Variants in NALCN observed in about 807,000 individuals in gnomAD.
NALCN encodes the protein sodium leak channel, non-selective.
A neutral mutation model predicts 225.3 loss-of-function variants in NALCN; 111 were observed. That is an observed-to-expected ratio of 0.49 (90% CI 0.42 to 0.58). NALCN has a LOEUF of 0.58. Among genes scored for constraint, NALCN ranks in the 20% least tolerant of loss-of-function variants. NALCN has a pLI of 0.00. For synonymous variants in NALCN, 764 were observed against 769.0 expected, an observed-to-expected ratio of 0.99 and a Z score of 0.11; for missense variants, 1,378 against 2,202.4, an observed-to-expected ratio of 0.63 and a Z score of 7.49.
intron 34 of NALCN, among the ~76,000 whole-genome samples, chr13:101,078,133 G>C (rs956139683): frequency 2.0e-5 from 3 of 149,784 alleles, no homozygotes; most frequent in Non-Finnish European, 4.5e-5. Flanking sequence ...GAAACAACTG[G>C]ATGTCCAGGC....
At position 101,111,223 on chromosome 13, in the gene NALCN, A is replaced by G. The variant is rs2035417501; in HGVS notation, c.2196T>C (p.Ala732=). ...CGCTCAGCATGCGCTGTCGGGTGCA[A>G]GCTCTAGGAAAAAAAAAGGAGCCCA... ...KETAVTKILR[A]CTRQRMLSGS... is the part of the protein sequence containing the mutation. Residue 732 remains alanine (A), a synonymous_variant, in exon 19 of 44, where the codon GCT becomes GCC. Transcript: ENST00000251127. 1 of 1,583,944 alleles carries G rather than the reference A, an allele frequency of 6.3e-7. No individual in the cohort carries two copies. The highest frequency in any genetic ancestry group is 8.6e-7 in the Non-Finnish European group (1 of 1,160,054).
At chr13:101,250,737 A>C (rs1323115844) in intron 11 of NALCN, among the ~76,000 whole-genome samples, 1 of 151,984 alleles carries the variant, frequency 6.6e-6, no homozygotes. Flanking sequence ...TACAGTGTTA[A>C]AATTAATAAC....
At chr13:101,134,756 T>A (rs2036688088) in intron 17 of NALCN, among the ~76,000 whole-genome samples, 1 of 152,192 alleles carries the variant, frequency 6.6e-6, no homozygotes, top group Non-Finnish European at 1.5e-5. Flanking sequence ...TTTCGGCCAC[T>A]AACACAGTAG....
chr13:101,320,602 C>T (rs2044711290), intron 7 of NALCN, among the ~76,000 whole-genome samples: 1 of 151,980 alleles, frequency 6.6e-6, no homozygotes, highest in South Asian at 2.1e-4. Context: ...ATTTTTATAT[C>T]CCATTAGACA....
intron 11 of NALCN, among the ~76,000 whole-genome samples, chr13:101,239,894 G>C (rs2390576): frequency 6.6e-6 from 1 of 151,790 alleles, no homozygotes; most frequent in Non-Finnish European, 1.5e-5. Flanking sequence ...ATCCATGCCA[G>C]TATCAGTGTA....
chr13:101,163,791 G>A (rs893933814), intron 15 of NALCN, among the ~76,000 whole-genome samples: 5 of 152,124 alleles, frequency 3.3e-5, no homozygotes, highest in Non-Finnish European at 1.5e-5. Context: ...AAAAAACTGG[G>A]TGGCTGAAAA....
intron 3 of NALCN, among the ~76,000 whole-genome samples, chr13:101,379,947 A>G (rs1295867687): frequency 6.8e-6 from 1 of 146,686 alleles, no homozygotes; most frequent in African/African-American, 2.5e-5. Flanking sequence ...AGAGACTTAC[A>G]GTTCTGCATA....
chr13:101,113,139 T>C (rs1325215293), intron 18 of NALCN, among the ~76,000 whole-genome samples: 2 of 152,180 alleles, frequency 1.3e-5, no homozygotes, highest in African/African-American at 4.8e-5. Context: ...GAAGCAACTT[T>C]TCTACAGATA....
rs764610371 is a variant in NALCN, at chr13:101,111,145, A to C, written c.2274T>G (p.His758Gln). ...TTTACCTGCGCTCTTGGCGGATATG[A>C]TGCTGCACGCTGAGGATTGACCTCT... ...AKERSILSVQ[H>Q]HIRQERRSLR... Residue 758 changes from histidine (H) to glutamine (Q), a missense_variant, in exon 19 of 44, where the codon CAT (histidine) becomes CAG (glutamine). Around this residue, in one of 19 missense-constraint regions of NALCN, gnomAD observed 66 missense variants for 85.7 expected, o/e 0.77. Coordinates refer to ENST00000251127, the MANE Select transcript of NALCN (RefSeq NM_052867.4). 8.1e-6 allele frequency: 13 copies of C among 1,608,294 alleles called. No individual in the cohort carries two copies. Among genetic ancestry groups the C allele is most frequent in the Non-Finnish European group, 1.0e-5 (12 of 1,175,532 alleles).
At position 101,067,970 on chromosome 13, in the gene NALCN, T is replaced by C. The variant is rs199661686; in HGVS notation, c.4394A>G (p.Asn1465Ser). The C allele has an allele frequency of 7.4e-6, 12 of 1,613,436 alleles. No homozygotes were observed. Among genetic ancestry groups the C allele is most frequent in the African/African-American group, 1.3e-5 (1 of 75,016 alleles). ...STEEDQLLSYNDLRHFQIIWN... is the reference protein window; with the variant it reads ...STEEDQLLSYSDLRHFQIIWN... ...TATTATTTGAAAGTGGCGAAGATCA[T>C]TGTAACTTAAAAGCTGGTCCTCCTC... is the stretch of plus-strand genomic sequence containing the variant. Residue 1465 changes from asparagine to serine, a missense_variant, in exon 39 of 44, where the codon AAT becomes AGT. Transcript: ENST00000251127.
chr13:101,395,778 T>C (rs986147236), intron 2 of NALCN, among the ~76,000 whole-genome samples: 8 of 151,970 alleles, frequency 5.3e-5, no homozygotes, highest in Non-Finnish European at 2.9e-5. Flanking sequence ...GTGCCATTAC[T>C]TTTTTTTCAT....
chr13:101,080,379 G>A (rs923529935), intron 34 of NALCN, among the ~76,000 whole-genome samples: 6 of 151,326 alleles, frequency 4.0e-5, no homozygotes, highest in African/African-American at 1.2e-4. Flanking sequence ...ACAGATACAA[G>A]GATACTACTT....
At chr13:101,406,241 A>C (rs1473765092) in intron 1 of NALCN, among the ~76,000 whole-genome samples, 1 of 152,016 alleles carries the variant, frequency 6.6e-6, no homozygotes, top group Non-Finnish European at 1.5e-5. Context: ...TGGGAGGCTC[A>C]CTTGAGCCTG....
In NALCN at chr13:101,065,556, C is replaced by T. The variant is rs767880972; in HGVS notation, c.4452G>A (p.Val1484=). The T allele has an allele frequency of 1.1e-5, 18 of 1,613,756 alleles. No homozygotes were observed. The highest frequency in any genetic ancestry group is 8.3e-5 in the Admixed American group (5 of 60,008). Residue 1484 remains valine (V), a synonymous_variant, in exon 40 of 44, where the codon GTG becomes GTA. Coordinates refer to ENST00000251127, the MANE Select transcript of NALCN (RefSeq NM_052867.4). ...WNMVDDKREG[V]IPTFRVKFLL... The stretch of plus-strand genomic sequence containing the variant: ...GGAACTTGACGCGGAACGTGGGGAT[C>T]ACCCCCTGCGGGGCAGAGCACAAGA...
Position 101,104,865 on chromosome 13 carries a change from G to A in NALCN, c.2636+29C>T, listed in dbSNP as rs1241599352. 1 of 1,610,972 alleles carries A rather than the reference G, an allele frequency of 6.2e-7. No individual in the cohort carries two copies. Among genetic ancestry groups the A allele is most frequent in the African/African-American group, 1.3e-5 (1 of 74,924 alleles). ...AATAGTACATGAAAACTTTAAATGT[G>A]CATGGAAAATGAAGTTGGTGATGCT... On this transcript the variant is annotated intron_variant, in intron 23 of 43. Transcript: ENST00000251127. The surrounding 1 kb of genome is among the most constrained non-coding windows in gnomAD (Gnocchi z 4.2).
intron 9 of NALCN, among the ~76,000 whole-genome samples, chr13:101,285,393 G>A (rs964631516): frequency 1.8e-4 from 28 of 152,060 alleles, no homozygotes; most frequent in South Asian, 1.0e-3. Flanking sequence ...TCCACCTCCC[G>A]GGTTCAAGCA....
chr13:101,233,480 A>G (rs1337658088), intron 12 of NALCN, among the ~76,000 whole-genome samples: 1 of 151,792 alleles, frequency 6.6e-6, no homozygotes, highest in African/African-American at 2.4e-5. Context: ...AGCTGGGACT[A>G]CAGGCGCCCA....
chr13:101,328,023 CTT>C (rs1241990456), intron 7 of NALCN, among the ~76,000 whole-genome samples: 1 of 152,106 alleles, frequency 6.6e-6, no homozygotes, highest in African/African-American at 2.4e-5. Context: ...TGCGATAAAA[CTT>C]TGTTTACAAA....
intron 10 of NALCN, among the ~76,000 whole-genome samples, chr13:101,273,458 A>G (rs1371301313): frequency 6.6e-6 from 1 of 152,252 alleles, no homozygotes; most frequent in Non-Finnish European, 1.5e-5. Flanking sequence ...CTTTAATACC[A>G]CATAAAAGAA....
Sources: allele counts gnomAD v4.1 joint callset (sites outside exome capture counted in the v4.1 genomes callset), GRCh38; gene constraint gnomAD v4.1.1; regional missense constraint gnomAD v4.1.1; non-coding constraint Gnocchi (gnomAD v3.1); transcripts MANE v1.5; gene names NCBI Gene and HGNC (gene_info 2026-07-23, HGNC 2026-07-21).